The following MAP4 variants were observed in gnomAD, a reference collection of about 807,000 sequenced individuals.
MAP4 encodes microtubule-associated protein 4.
In MAP4, 76 loss-of-function variants were observed where a neutral mutation model predicts 170.2. That is an observed-to-expected ratio of 0.45 (90% CI 0.37 to 0.54). The LOEUF is 0.54. Among genes scored for constraint, MAP4 ranks in the 20% least tolerant of loss-of-function variants. The probability of loss-of-function intolerance (pLI) is 0.00; values close to 1 mark genes in which losing one functional copy is unlikely to be tolerated. For missense variants in MAP4, 2,506 were observed against 2,748.0 expected, an observed-to-expected ratio of 0.91 and a Z score of 1.97; for synonymous variants, 909 against 994.5, an observed-to-expected ratio of 0.91 and a Z score of 1.62.
intron 17 of MAP4, among the ~76,000 whole-genome samples, chr3:47,866,144 C>T (rs1254577653): frequency 6.6e-6 from 1 of 152,060 alleles, no homozygotes; most frequent in African/African-American, 2.4e-5. Context: ...CAAGGCCAGC[C>T]TGGCCAGCAT....
chr3:47,896,538 C>G (rs1335267850), intron 10 of MAP4, among the ~76,000 whole-genome samples: 1 of 151,732 alleles, frequency 6.6e-6, no homozygotes, highest in African/African-American at 2.4e-5. Flanking sequence ...TCCAAACAAA[C>G]AAACAAAAAA....
chr3:48,003,453 C>CA (rs201694525), intron 1 of MAP4, among the ~76,000 whole-genome samples: 6,017 of 111,646 alleles, frequency 0.054, 462 homozygotes, highest in African/African-American at 0.17. Flanking sequence ...GACTCCTTCT[C>CA]AAAAAAAAAA....
chr3:47,920,800 C>T (rs2100042423), intron 5 of MAP4, among the ~76,000 whole-genome samples: 1 of 152,128 alleles, frequency 6.6e-6, no homozygotes, highest in African/African-American at 2.4e-5. Context: ...AATCCTGTCA[C>T]CTCAGCTTCC....
intron 1 of MAP4, among the ~76,000 whole-genome samples, chr3:48,077,497 TTTTAA>T (rs1366988104): frequency 6.6e-6 from 1 of 150,632 alleles, no homozygotes; most frequent in Non-Finnish European, 1.5e-5. Flanking sequence ...AATTTTCTGG[TTTTAA>T]TTTTTTTTTT....
At chr3:47,952,856 A>T (rs1054469158) in intron 3 of MAP4, among the ~76,000 whole-genome samples, 2 of 151,732 alleles carry the variant, frequency 1.3e-5, no homozygotes, top group African/African-American at 4.8e-5. Flanking sequence ...CTTTGGAGGC[A>T]GAGGTTGTAG....
At position 47,916,971 on chromosome 3, in the gene MAP4, C is replaced by T. The variant is rs781492338; in HGVS notation, c.856G>A (p.Val286Met). 1.2e-6 allele frequency: 2 copies of T among 1,614,208 alleles called. No individual in the cohort carries two copies. The highest frequency in any genetic ancestry group is 8.5e-7 in the Non-Finnish European group (1 of 1,180,042). ...GGCTGCATGTCCTTGGCCAGTGTCA[C>T]ATCTAATTTGGTGGGTGATTCCATA... Reference protein sequence around the residue: ...KDMESPTKLDVTLAKDMQPSM... With the variant: ...KDMESPTKLDMTLAKDMQPSM... Residue 286 changes from valine to methionine, a missense_variant, in exon 7 of 21, where the codon GTG (valine) becomes ATG (methionine). By Grantham distance (21) the Val-to-Met change is conservative (BLOSUM62 1). This residue lies in a region of MAP4 where 2,008 missense variants were observed against 2,206.0 expected (regional missense o/e 0.91). Coordinates refer to ENST00000683076, the MANE Select transcript of MAP4 (RefSeq NM_001385682.1).
At chr3:48,047,045 G>C (rs1295906312) in intron 1 of MAP4, among the ~76,000 whole-genome samples, 1 of 151,496 alleles carries the variant, frequency 6.6e-6, no homozygotes, top group African/African-American at 2.4e-5. Context: ...AGTAAGCCGA[G>C]ACCACACCAC....
At chr3:48,034,649 G>A (rs1012508698) in intron 1 of MAP4, among the ~76,000 whole-genome samples, 3 of 151,988 alleles carry the variant, frequency 2.0e-5, no homozygotes, top group Non-Finnish European at 4.4e-5. Context: ...GTTGCAGTGA[G>A]CTGAGATCAT....
intron 1 of MAP4, among the ~76,000 whole-genome samples, chr3:48,079,551 A>G (rs1020921997): frequency 6.6e-6 from 1 of 151,976 alleles, no homozygotes; most frequent in Non-Finnish European, 1.5e-5. Context: ...ACTACTTGGG[A>G]GGCTGAGGCA....
intron 1 of MAP4, among the ~76,000 whole-genome samples, chr3:48,061,075 G>A (rs1045854584): frequency 2.0e-5 from 3 of 152,128 alleles, no homozygotes; most frequent in Admixed American, 2.0e-4. Flanking sequence ...TCAATCTCCT[G>A]ACCTCGTAAT....
At chr3:48,031,038 T>C (rs1282506079) in intron 1 of MAP4, among the ~76,000 whole-genome samples, 1 of 151,060 alleles carries the variant, frequency 6.6e-6, no homozygotes, top group Non-Finnish European at 1.5e-5. Flanking sequence ...TTCTAAAGAG[T>C]ACAATATGAA....
chr3:47,943,333 C>T (rs896217242), intron 3 of MAP4, among the ~76,000 whole-genome samples: 1 of 152,086 alleles, frequency 6.6e-6, no homozygotes, highest in African/African-American at 2.4e-5. Context: ...TATTTTAGGC[C>T]AGATGCGGTG....
At chr3:48,062,636 A>G (rs894519204) in intron 1 of MAP4, among the ~76,000 whole-genome samples, 64 of 151,704 alleles carry the variant, frequency 4.2e-4, no homozygotes, top group Admixed American at 2.6e-3. Flanking sequence ...GAAAATGAAC[A>G]ATGTGGCTGG....
At chr3:47,858,924 C>G (rs1048533526) in intron 17 of MAP4, among the ~76,000 whole-genome samples, 2 of 152,108 alleles carry the variant, frequency 1.3e-5, no homozygotes, top group Non-Finnish European at 2.9e-5. Flanking sequence ...GTCAGGAGAT[C>G]GAGACCATCC....
At position 47,910,594 on chromosome 3, in the gene MAP4, G is replaced by A. The variant is rs1480669390; in HGVS notation, c.3827C>T (p.Pro1276Leu). Residue 1276 changes from proline (P) to leucine (L), a missense_variant, in exon 9 of 21, where the codon CCA (proline) becomes CTA (leucine). Coordinates refer to ENST00000683076, the MANE Select transcript of MAP4 (RefSeq NM_001385682.1). ...AACTGCTTCCACTGTGGGTGTATCT[G>A]GTGTATGTGAGAACGAAGAATCATG... ...KMHDSSFSHTPDTPTVEAVDR... is the reference protein window; with the variant it reads ...KMHDSSFSHTLDTPTVEAVDR... 6.5e-7 allele frequency: 1 copy of A among 1,536,030 alleles called. No individual in the cohort carries two copies. Among genetic ancestry groups the A allele is most frequent in the Non-Finnish European group, 8.7e-7 (1 of 1,146,898 alleles).
At chr3:48,006,136 A>G (rs1459854110) in intron 1 of MAP4, among the ~76,000 whole-genome samples, 1 of 152,228 alleles carries the variant, frequency 6.6e-6, no homozygotes, top group Non-Finnish European at 1.5e-5. Flanking sequence ...AATTTGAATT[A>G]TAAAAAGAGA....
At chr3:47,853,142 A>C (rs2046287020) in intron 20 of MAP4, 21 bp downstream of exon 20, 1 of 1,607,138 alleles carries the variant, frequency 6.2e-7, no homozygotes, top group Non-Finnish European at 8.5e-7. Flanking sequence ...GCTGGCCCTT[A>C]GGCCGAGCCC....
Position 47,875,809 on chromosome 3 carries a change from A to G in MAP4, c.5633T>C (p.Ile1878Thr). The change falls in exon 12 of 21, where the codon ATT (isoleucine) becomes ACT (threonine). Residue 1878 changes from isoleucine (I) to threonine (T), a missense_variant. Ile to Thr is a moderately conservative substitution (Grantham distance 89). This residue lies in a region of MAP4 where 11 missense variants were observed against 30.4 expected (regional missense o/e 0.36). Transcript: ENST00000683076. ...SLPKQPAPTT[I>T]GGLNKKPMSL... ...CATGGGTTTTTTATTCAACCCACCAATGGTGGTGGGAGCTGGCTGCTTAGG... is the reference window on the plus strand; with the variant it reads ...CATGGGTTTTTTATTCAACCCACCAGTGGTGGTGGGAGCTGGCTGCTTAGG... The G allele has an allele frequency of 6.2e-7, 1 of 1,613,732 alleles. No homozygotes were observed. The highest frequency in any genetic ancestry group is 8.5e-7 in the Non-Finnish European group (1 of 1,179,746).
At chr3:47,942,669 A>T (rs2100057251) in intron 3 of MAP4, among the ~76,000 whole-genome samples, 1 of 152,232 alleles carries the variant, frequency 6.6e-6, no homozygotes, top group Admixed American at 6.5e-5. Context: ...AGATTATTAG[A>T]TCAAACAAAG....
Sources: allele counts gnomAD v4.1 joint callset (sites outside exome capture counted in the v4.1 genomes callset), GRCh38; gene constraint gnomAD v4.1.1; regional missense constraint gnomAD v4.1.1; transcripts MANE v1.5; gene names NCBI Gene and HGNC (gene_info 2026-07-23, HGNC 2026-07-21).